The following LRRC8C variants were observed in gnomAD, a reference collection of about 807,000 sequenced individuals.
LRRC8C encodes the protein volume-regulated anion channel subunit LRRC8C.
Under a neutral mutation model 55.3 loss-of-function variants are expected in LRRC8C, and 20 were observed. The ratio of observed to expected loss-of-function variants is 0.36; its 90% confidence interval spans 0.25 to 0.53. The LOEUF is 0.53. LRRC8C is among the 20% of genes least tolerant of loss of function. The pLI is 0.92. For missense variants in LRRC8C, 659 were observed against 951.4 expected (o/e 0.69, Z 4.04); for synonymous variants, 376 against 360.7 (o/e 1.04, Z -0.48).
At chr1:89,671,022 A>G (rs1324143590) in intron 1 of LRRC8C, among the ~76,000 whole-genome samples, 1 of 152,168 alleles carries the variant, frequency 6.6e-6, no homozygotes, top group African/African-American at 2.4e-5. Flanking sequence ...CCTTGTTTAT[A>G]GATCTGTTAC....
chr1:89,716,355 G>T lies in LRRC8C; in HGVS notation c.*1373G>T, dbSNP rs965913288. 6.6e-6 allele frequency: 1 copy of T among 152,182 alleles called. No individual in the cohort carries two copies. The highest frequency in any genetic ancestry group is 1.5e-5 in the Non-Finnish European group (1 of 68,028). The allele number at this position is 152,182 out of a possible 1,614,324, so 9.4% of individuals were successfully genotyped here. On this transcript the variant is annotated 3_prime_UTR_variant, in exon 3 of 3. Transcript: ENST00000370454. Reference sequence around the variant, plus strand: ...ATATTAATCGATTTCCCTCAAGCCTGCCCTTGCTGTGAACTAGTGCTACAA... The same window carrying T: ...ATATTAATCGATTTCCCTCAAGCCTTCCCTTGCTGTGAACTAGTGCTACAA...
the LRRC8C span, chr1:89,626,795 G>A: frequency 6.6e-6 from 1 of 152,004 alleles, no homozygotes; most frequent in Non-Finnish European, 1.5e-5. Context: ...TCATCAACAT[G>A]GAAGGTCTCT....
chr1:89,619,394 TA>T, the LRRC8C span, among the ~76,000 whole-genome samples: 1 of 150,698 alleles, frequency 6.6e-6, no homozygotes, highest in South Asian at 2.1e-4. Flanking sequence ...TTTATATTTA[TA>T]TAAAATTTAT....
Position 89,713,361 on chromosome 1 carries a change from G to T in LRRC8C, c.791G>T (p.Arg264Leu), listed in dbSNP as rs377556616. The change falls in exon 3 of 3, where the codon CGC becomes CTC. Residue 264 changes from arginine to leucine, a missense_variant. Arg to Leu is a moderately radical substitution (Grantham distance 102). Around this residue, in one of 5 missense-constraint regions of LRRC8C, gnomAD observed 200 missense variants for 360.5 expected, o/e 0.55. Transcript: ENST00000370454. The surrounding 1 kb of genome is among the most constrained non-coding windows in gnomAD (Gnocchi z 5.2). ...EGDILYAMYV[R>L]QTVLKVIKFL... ...GATATTCTATATGCCATGTATGTTC[G>T]CCAGACTGTACTTAAAGTTATCAAA... 1 of 1,614,164 alleles carries T rather than the reference G, an allele frequency of 6.2e-7. No individual in the cohort carries two copies. Among genetic ancestry groups the T allele is most frequent in the Non-Finnish European group, 8.5e-7 (1 of 1,180,024 alleles).
intron 2 of LRRC8C, among the ~76,000 whole-genome samples, chr1:89,705,264 G>A (rs566273606): frequency 5.8e-4 from 70 of 121,122 alleles, no homozygotes; most frequent in African/African-American, 2.1e-3. Flanking sequence ...CACACTCTGG[G>A]GACTGTTGTG....
chr1:89,622,486 A>C, the LRRC8C span, among the ~76,000 whole-genome samples: 4 of 151,926 alleles, frequency 2.6e-5, no homozygotes, highest in African/African-American at 4.8e-5. Context: ...GCGCCCGCCA[A>C]CACTCCTGGC....
intron 1 of LRRC8C, among the ~76,000 whole-genome samples, chr1:89,679,356 C>A (rs941316843): frequency 9.9e-5 from 15 of 152,098 alleles, no homozygotes; most frequent in African/African-American, 3.6e-4. Context: ...GAGTTTGAGA[C>A]CAGCCTGGCC....
At chr1:89,659,026 T>TGAGA (rs1657027231) in intron 1 of LRRC8C, among the ~76,000 whole-genome samples, 1 of 150,510 alleles carries the variant, frequency 6.6e-6, no homozygotes, top group African/African-American at 2.4e-5. Context: ...TAATAGGAAA[T>TGAGA]TTTAGGTTGT....
At chr1:89,624,040 A>G in the LRRC8C span, among the ~76,000 whole-genome samples, 12 of 152,338 alleles carry the variant, frequency 7.9e-5, no homozygotes, top group Admixed American at 6.5e-4. Context: ...CAGCATTTTT[A>G]TATCAGTTCC....
In LRRC8C at chr1:89,713,606, C is replaced by T; in HGVS notation, c.1036C>T (p.Leu346=). ...YTLYWLFYRS[L]REYSFEYVRQ... ...CTTATACTGGCTGTTCTACCGTTCT[C>T]TACGGGAATATTCCTTTGAGTATGT... Residue 346 remains leucine, a synonymous_variant, in exon 3 of 3, where the codon CTA becomes TTA. Transcript: ENST00000370454. The surrounding 1 kb of genome is among the most constrained non-coding windows in gnomAD (Gnocchi z 5.2). The T allele has an allele frequency of 6.2e-7, 1 of 1,614,152 alleles. No homozygotes were observed. The highest frequency in any genetic ancestry group is 8.5e-7 in the Non-Finnish European group (1 of 1,180,020).
chr1:89,682,439 AG>A (rs1321246725), intron 1 of LRRC8C, among the ~76,000 whole-genome samples: 2 of 152,232 alleles, frequency 1.3e-5, no homozygotes, highest in Admixed American at 6.5e-5. Context: ...GTTTTTTCAA[AG>A]GAAGACTTAG....
At chr1:89,711,187 C>T (rs1658638462) in intron 2 of LRRC8C, among the ~76,000 whole-genome samples, 1 of 152,176 alleles carries the variant, frequency 6.6e-6, no homozygotes, top group Admixed American at 6.5e-5. Flanking sequence ...GGATTCACTC[C>T]CTTTCTCAGA....
upstream of LRRC8C, chr1:89,633,031 G>T (rs533803394): frequency 1.2e-4 from 18 of 152,060 alleles, 1 homozygote; most frequent in South Asian, 3.3e-3. Flanking sequence ...GCTGGCTGCC[G>T]CTAGCCGGGC....
intron 1 of LRRC8C, among the ~76,000 whole-genome samples, chr1:89,651,047 A>G (rs1656759025): frequency 6.6e-6 from 1 of 152,180 alleles, no homozygotes; most frequent in Non-Finnish European, 1.5e-5. Context: ...AGCATAACAC[A>G]GTGGGTAACA....
intron 1 of LRRC8C, among the ~76,000 whole-genome samples, chr1:89,678,899 G>A (rs977698584): frequency 2.6e-5 from 4 of 152,120 alleles, no homozygotes; most frequent in East Asian, 3.8e-4. Context: ...TAGGGGACTG[G>A]GACAGGAGTA....
At chr1:89,709,264 A>G (rs183636822) in intron 2 of LRRC8C, among the ~76,000 whole-genome samples, 2 of 152,370 alleles carry the variant, frequency 1.3e-5, no homozygotes, top group Non-Finnish European at 2.9e-5. Context: ...GCCATTTCCT[A>G]GCTGCGTGAA....
rs758696057 is a variant in LRRC8C, at chr1:89,715,030, G to A, written c.*48G>A. ...CTGAAACACGCTTCTACCAAATACAGTATAAATAATTAGGTAGTCTTAATG... is the reference window on the plus strand; with the variant it reads ...CTGAAACACGCTTCTACCAAATACAATATAAATAATTAGGTAGTCTTAATG... On this transcript the variant is annotated 3_prime_UTR_variant, in exon 3 of 3. Coordinates refer to ENST00000370454, the MANE Select transcript of LRRC8C (RefSeq NM_032270.5). The A allele has an allele frequency of 1.5e-6, 2 of 1,351,758 alleles. No homozygotes were observed. The highest frequency in any genetic ancestry group is 2.4e-5 in the East Asian group (1 of 42,412). 83.7% of individuals were successfully genotyped at this position (1,351,758 alleles called of 1,614,324 possible). A position where few individuals can be genotyped will look rare whatever the true frequency, so the allele number is the denominator to read the frequency against.
At chr1:89,697,906 C>G (rs1244674366) in intron 2 of LRRC8C, among the ~76,000 whole-genome samples, 1 of 152,104 alleles carries the variant, frequency 6.6e-6, no homozygotes, top group Non-Finnish European at 1.5e-5. Flanking sequence ...GGCTGGAAAC[C>G]TTCAGTTTAA....
intron 2 of LRRC8C, among the ~76,000 whole-genome samples, chr1:89,701,636 G>T (rs1398495851): frequency 6.6e-6 from 1 of 152,062 alleles, no homozygotes. Context: ...ACCTTGTGTG[G>T]CACTACCCAA....
Sources: gnomAD v4.1 joint callset for allele counts (sites outside exome capture counted in the v4.1 genomes callset) on GRCh38, gnomAD v4.1.1 for gene constraint, gnomAD v4.1.1 regional missense constraint, Gnocchi (gnomAD v3.1) non-coding constraint, MANE v1.5 for transcripts, NCBI Gene and HGNC (gene_info 2026-07-23, HGNC 2026-07-21) for gene names.